CHD6: variants seen among roughly 807,000 people sequenced by gnomAD.
The protein encoded by CHD6 is ATP-dependent chromatin remodeler CHD6.
A neutral mutation model predicts 276.9 loss-of-function variants in CHD6; 50 were observed. The observed-to-expected ratio is 0.18, with a 90% CI of 0.14 to 0.23. The LOEUF (loss-of-function observed/expected upper bound fraction) is 0.23, where lower values mean the gene tolerates loss of function less well. Ranked by LOEUF, CHD6 falls within the 10% of genes least tolerant of loss-of-function variation. The probability of loss-of-function intolerance (pLI) is 1.00; values close to 1 mark genes in which losing one functional copy is unlikely to be tolerated. For synonymous variants in CHD6, 1,173 were observed against 1,229.3 expected (o/e 0.95, Z 0.96); for missense variants, 2,564 against 3,365.8 (o/e 0.76, Z 5.89).
chr20:41,516,500 T>C (rs2044255831), intron 3 of CHD6, among the ~76,000 whole-genome samples: 1 of 152,138 alleles, frequency 6.6e-6, no homozygotes, highest in Non-Finnish European at 1.5e-5. Context: ...ATTCTCATTT[T>C]ATCTTGAGGA....
intron 1 of CHD6, among the ~76,000 whole-genome samples, chr20:41,552,241 T>C (rs1037652337): frequency 5.3e-5 from 8 of 152,224 alleles, no homozygotes; most frequent in African/African-American, 1.9e-4. Flanking sequence ...ATATAAACAC[T>C]GCTTCCTATT....
At chr20:41,449,603 A>G (rs1342383940) in intron 23 of CHD6, among the ~76,000 whole-genome samples, 2 of 152,226 alleles carry the variant, frequency 1.3e-5, no homozygotes, top group African/African-American at 4.8e-5. Flanking sequence ...GGGACACACA[A>G]CTGCAGCAGG....
rs1384151657 is a variant in CHD6, at chr20:41,533,411, C to T, written c.193G>A (p.Glu65Lys). ...CLPQKDLYTA[E>K]EEAATLFPRK... ...GGAAAAAGGGTAGCAGCTTCCTCTT[C>T]AGCAGTATACAGGTCCTTCTGAGGC... is the stretch of plus-strand genomic sequence containing the variant. Residue 65 changes from glutamate to lysine, a missense_variant, in exon 3 of 37, where the codon GAA becomes AAA. Glu to Lys is a moderately conservative substitution (Grantham distance 56). Coordinates refer to ENST00000373233, the MANE Select transcript of CHD6 (RefSeq NM_032221.5). 1 of 1,614,020 alleles carries T rather than the reference C, an allele frequency of 6.2e-7. No individual in the cohort carries two copies. Among genetic ancestry groups the T allele is most frequent in the African/African-American group, 1.3e-5 (1 of 74,906 alleles).
At chr20:41,440,560 A>T (rs923542875) in intron 25 of CHD6, among the ~76,000 whole-genome samples, 1 of 152,172 alleles carries the variant, frequency 6.6e-6, no homozygotes, top group Non-Finnish European at 1.5e-5. Flanking sequence ...AAATATAAAG[A>T]GAACTACGAT....
At chr20:41,586,676 A>C (rs994990479) in intron 1 of CHD6, among the ~76,000 whole-genome samples, 3 of 152,208 alleles carry the variant, frequency 2.0e-5, no homozygotes, top group African/African-American at 7.2e-5. Flanking sequence ...AGAGTGAGTC[A>C]ATCCTCAAAA....
Position 41,421,483 on chromosome 20 carries a change from T to A in CHD6, c.5152A>T (p.Ser1718Cys). The A allele has an allele frequency of 1.2e-6, 2 of 1,613,884 alleles. No homozygotes were observed. The highest frequency in any genetic ancestry group is 2.2e-5 in the South Asian group (2 of 90,960). Residue 1718 changes from serine (S) to cysteine (C), a missense_variant, in exon 31 of 37, where the codon AGC becomes TGC. By Grantham distance (112) the Ser-to-Cys change is moderately radical. Transcript: ENST00000373233. The part of the protein sequence containing the change: ...YGKKVLSQEP[S>C]SFQESPSTNT... ...GTACTTGGGCTCTCCTGAAAAGAGC[T>A]TGGTTCTTGGCTGAGCACCTTCTTA...
At chr20:41,479,350 A>C (rs2043241618) in intron 16 of CHD6, among the ~76,000 whole-genome samples, 1 of 152,194 alleles carries the variant, frequency 6.6e-6, no homozygotes, top group Non-Finnish European at 1.5e-5. Context: ...AGCAGGATGA[A>C]TCCCAATGAT....
intron 1 of CHD6, among the ~76,000 whole-genome samples, chr20:41,588,038 T>C (rs2045615018): frequency 6.6e-6 from 1 of 151,680 alleles, no homozygotes; most frequent in Non-Finnish European, 1.5e-5. Context: ...AGCTATAAAG[T>C]AGAGGCAGGT....
chr20:41,454,238 G>C (rs1420909171), intron 20 of CHD6, among the ~76,000 whole-genome samples: 1 of 152,202 alleles, frequency 6.6e-6, no homozygotes, highest in Non-Finnish European at 1.5e-5. Flanking sequence ...TGGAGGTAAA[G>C]CCAACAAACT....
intron 2 of CHD6, among the ~76,000 whole-genome samples, chr20:41,539,723 T>A (rs1418482537): frequency 6.6e-6 from 1 of 152,206 alleles, no homozygotes; most frequent in African/African-American, 2.4e-5. Flanking sequence ...AGGAAACACA[T>A]AATAACTCCA....
At chr20:41,489,289 T>C (rs2145856201) in intron 12 of CHD6, among the ~76,000 whole-genome samples, 1 of 152,322 alleles carries the variant, frequency 6.6e-6, no homozygotes, top group East Asian at 1.9e-4. Flanking sequence ...CACACAACTA[T>C]ATTCAGCTAA....
chr20:41,599,206 A>G (rs902925548), intron 1 of CHD6, among the ~76,000 whole-genome samples: 3 of 152,212 alleles, frequency 2.0e-5, no homozygotes, highest in Admixed American at 6.5e-5. Flanking sequence ...GCTTGGGAAA[A>G]CAGGATAGCC....
At position 41,583,539 on chromosome 20, in the gene CHD6, T is replaced by C. The variant is rs141882259; in HGVS notation, c.-23-32179A>G. ...GAAATGGTAAACGAAGTTCTTTAAGTAGAAGGTATATGACACTGAACAAAA... is the reference window on the plus strand; with the variant it reads ...GAAATGGTAAACGAAGTTCTTTAAGCAGAAGGTATATGACACTGAACAAAA... On this transcript the variant is annotated intron_variant, in intron 1 of 36. Transcript: ENST00000373233. Among the ~76,000 whole-genome samples the C allele has an allele frequency of 8.2e-4, 125 of 152,224 alleles. 1 individual carries two copies. Among genetic ancestry groups the C allele is most frequent in the African/African-American group, 2.9e-3 (120 of 41,536 alleles).
intron 25 of CHD6, among the ~76,000 whole-genome samples, chr20:41,441,737 C>A (rs2047908911): frequency 6.6e-6 from 1 of 152,164 alleles, no homozygotes; most frequent in South Asian, 2.1e-4. Flanking sequence ...CTCTTTCAGT[C>A]CCCTAGAAAA....
intron 1 of CHD6, among the ~76,000 whole-genome samples, chr20:41,607,025 C>G (rs757871691): frequency 3.9e-5 from 6 of 152,130 alleles, no homozygotes; most frequent in Admixed American, 6.5e-5. Flanking sequence ...CAACTCACCA[C>G]GATCTTTAAA....
At position 41,423,511 on chromosome 20, in the gene CHD6, T is replaced by G; in HGVS notation, c.4536A>C (p.Leu1512=). The change falls in exon 30 of 37, where the codon CTA becomes CTC. Residue 1512 remains leucine (L), a synonymous_variant. Transcript: ENST00000373233. ...TCTCACCGCCATCTTTCCATGTGGG[T>G]AGACGACAGACATTCCGGCACATGG... ...FVAMCRNVCR[L]PTWKDGGPPD... 6.2e-7 allele frequency: 1 copy of G among 1,614,136 alleles called. No individual in the cohort carries two copies. Among genetic ancestry groups the G allele is most frequent in the Non-Finnish European group, 8.5e-7 (1 of 1,179,950 alleles).
chr20:41,534,122 A>G (rs2044764163), intron 2 of CHD6, among the ~76,000 whole-genome samples: 1 of 152,238 alleles, frequency 6.6e-6, no homozygotes. Flanking sequence ...GTTGCAAAAA[A>G]TATTTACAAC....
intron 1 of CHD6, among the ~76,000 whole-genome samples, chr20:41,602,350 G>A (rs1051357515): frequency 6.6e-6 from 1 of 152,174 alleles, no homozygotes; most frequent in Non-Finnish European, 1.5e-5. Context: ...ACCACAAAAA[G>A]AAGGTGCCCA....
At chr20:41,603,736 G>T (rs757213041) in intron 1 of CHD6, among the ~76,000 whole-genome samples, 2 of 152,046 alleles carry the variant, frequency 1.3e-5, no homozygotes, top group African/African-American at 4.8e-5. Context: ...GCTTGGCGGT[G>T]TGCACCTGTA....
Sources: allele counts gnomAD v4.1 joint callset (sites outside exome capture counted in the v4.1 genomes callset), GRCh38; gene constraint gnomAD v4.1.1; transcripts MANE v1.5; gene names NCBI Gene and HGNC (gene_info 2026-07-23, HGNC 2026-07-21).